The following CADPS variants were observed in gnomAD, a reference collection of about 807,000 sequenced individuals.
CADPS encodes calcium dependent secretion activator, also known as calcium-dependent secretion activator 1.
CADPS carries 57 observed loss-of-function variants against 167.3 expected under a neutral mutation model. The ratio of observed to expected loss-of-function variants is 0.34; its 90% CI spans 0.28 to 0.42. The LOEUF (loss-of-function observed/expected upper bound fraction) is 0.42, where lower values mean the gene tolerates loss of function less well. Among genes scored for constraint, CADPS ranks in the 20% least tolerant of loss-of-function variants. CADPS has a pLI of 1.00. For synonymous variants in CADPS, 676 were observed against 635.3 expected, an observed-to-expected ratio of 1.06 and a Z score of -0.96; for missense variants, 1,414 against 1,738.1, an observed-to-expected ratio of 0.81 and a Z score of 3.32.
rs949363755 is a variant in CADPS at position 62,705,705 on chromosome 3, C to T, written c.889-43311G>A. Among the ~76,000 whole-genome samples the T allele has an allele frequency of 3.3e-5, 5 of 152,148 alleles. 1 individual carries two copies. The highest frequency in any genetic ancestry group is 3.3e-4 in the Admixed American group (5 of 15,268). Reference sequence around the variant, plus strand: ...GACCCTAAGTTCTTCAGCTTTGGGACTCAGACTGGCTTCCTTCTTCCTCAG... The same window carrying T: ...GACCCTAAGTTCTTCAGCTTTGGGATTCAGACTGGCTTCCTTCTTCCTCAG... On this transcript the variant is annotated intron_variant, in intron 3 of 29. Transcript: ENST00000383710.
chr3:62,535,510 C>A (rs2074508268), intron 12 of CADPS, among the ~76,000 whole-genome samples: 1 of 151,676 alleles, frequency 6.6e-6, no homozygotes, highest in African/African-American at 2.4e-5. Context: ...AATATCTTAA[C>A]CCTACTTATT....
intron 1 of CADPS, among the ~76,000 whole-genome samples, chr3:62,790,581 A>G (rs2092845505): frequency 6.6e-6 from 1 of 152,214 alleles, no homozygotes; most frequent in South Asian, 2.1e-4. Context: ...AGTTCAGCAA[A>G]TATCATTTTG....
chr3:62,634,756 C>G (rs2065950590), intron 6 of CADPS, among the ~76,000 whole-genome samples: 1 of 152,198 alleles, frequency 6.6e-6, no homozygotes, highest in African/African-American at 2.4e-5. Flanking sequence ...TACCCAATGA[C>G]TTAAATGTGC....
Position 62,731,805 on chromosome 3 carries a change from C to CAAAAAAAAAAAAAAAAAAA in CADPS, c.888+21617_888+21635dup, listed in dbSNP as rs1212456893. On this transcript the variant is annotated intron_variant, in intron 3 of 29. Coordinates refer to ENST00000383710, the MANE Select transcript of CADPS (RefSeq NM_003716.4). ...CCTGGTGAAAGAAACTGATCATATG[C>CAAAAAAAAAAAAAAAAAAA]AAAAAAAAAAAAAAAAAAAAAAAAA... is the stretch of plus-strand genomic sequence containing the variant. Among the ~76,000 whole-genome samples the CAAAAAAAAAAAAAAAAAAA allele has an allele frequency of 1.6e-3, 44 of 27,134 alleles. 1 individual carries two copies. The highest frequency in any genetic ancestry group is 2.1e-3 in the Admixed American group (4 of 1,882). 17.8% of individuals were successfully genotyped at this position (27,134 alleles called of 152,430 possible). A position where few individuals can be genotyped will look rare whatever the true frequency, so the allele number is the denominator to read the frequency against.
chr3:62,701,836 A>G (rs922608295), intron 3 of CADPS, among the ~76,000 whole-genome samples: 1 of 152,018 alleles, frequency 6.6e-6, no homozygotes, highest in Admixed American at 6.6e-5. Context: ...GGAAAACAAA[A>G]ACTCAGGACC....
At chr3:62,512,649 C>G in intron 17 of CADPS, 102 bp downstream of exon 17, 1 of 790,972 alleles carries the variant, frequency 1.3e-6, no homozygotes. Flanking sequence ...CCACATGGCT[C>G]TCTGGGAGTA....
intron 1 of CADPS, among the ~76,000 whole-genome samples, chr3:62,838,088 G>A (rs2076150207): frequency 1.3e-5 from 2 of 152,186 alleles, no homozygotes; most frequent in Admixed American, 1.3e-4. Flanking sequence ...TATGCCATCA[G>A]GAGTGAATTC....
At position 62,875,081 on chromosome 3, in the gene CADPS, G is replaced by T. The variant is rs771490789; in HGVS notation, c.-52C>A. 2.0e-6 allele frequency: 3 copies of T among 1,522,720 alleles called. No homozygotes were observed. The highest frequency in any genetic ancestry group is 3.8e-5 in the Admixed American group (2 of 53,034). 94.3% of individuals were successfully genotyped at this position (1,522,720 alleles called of 1,614,324 possible). On this transcript the variant is annotated 5_prime_UTR_variant, in exon 1 of 30. Coordinates refer to ENST00000383710, the MANE Select transcript of CADPS (RefSeq NM_003716.4). ...GGAGCCCCCGGCTTGGAGTGCAAAAGGTGGGGGGCGCTGGAGGCAGCCGGG... is the reference window on the plus strand; with the variant it reads ...GGAGCCCCCGGCTTGGAGTGCAAAATGTGGGGGGCGCTGGAGGCAGCCGGG...
chr3:62,607,895 G>A (rs1179876031), intron 6 of CADPS, among the ~76,000 whole-genome samples: 2 of 152,162 alleles, frequency 1.3e-5, no homozygotes, highest in Admixed American at 6.6e-5. Flanking sequence ...ATCTCAAAAG[G>A]AAATGATGAA....
intron 1 of CADPS, among the ~76,000 whole-genome samples, chr3:62,860,338 A>G (rs1208573193): frequency 6.6e-6 from 1 of 152,174 alleles, no homozygotes; most frequent in East Asian, 1.9e-4. Context: ...AAAATCTCCT[A>G]TTCTCTTAAG....
intron 17 of CADPS, among the ~76,000 whole-genome samples, chr3:62,505,754 C>A (rs1342129457): frequency 6.6e-6 from 1 of 152,152 alleles, no homozygotes; most frequent in African/African-American, 2.4e-5. Context: ...TCTACTTGAG[C>A]ACTTCTGGCC....
At position 62,601,014 on chromosome 3, in the gene CADPS, G is replaced by T. The variant is rs1441245359; in HGVS notation, c.1326-8266C>A. On this transcript the variant is annotated intron_variant, in intron 6 of 29. Transcript: ENST00000383710. This position sits in a 1 kb window ranked among gnomAD's most constrained non-coding sequence, Gnocchi z 4.3. Reference sequence around the variant, plus strand: ...TGACGGAAGGATATGTAGGACATAAGCTATTGGATATGTGGTGTTTACCTC... The same window carrying T: ...TGACGGAAGGATATGTAGGACATAATCTATTGGATATGTGGTGTTTACCTC... Among the ~76,000 whole-genome samples the T allele has an allele frequency of 6.6e-6, 1 of 152,102 alleles. No homozygotes were observed. The highest frequency in any genetic ancestry group is 6.6e-5 in the Admixed American group (1 of 15,264).
chr3:62,590,199 A>AC (rs933343362), intron 7 of CADPS, among the ~76,000 whole-genome samples: 10 of 151,550 alleles, frequency 6.6e-5, no homozygotes, highest in African/African-American at 2.4e-4. Flanking sequence ...AAGAAAAAAA[A>AC]AAAAAAATTC....
chr3:62,462,044 C>G (rs993864063), intron 26 of CADPS, among the ~76,000 whole-genome samples: 1 of 152,208 alleles, frequency 6.6e-6, no homozygotes, highest in Non-Finnish European at 1.5e-5. Context: ...GTGGGAGGAA[C>G]CTGGGTACCT....
intron 6 of CADPS, among the ~76,000 whole-genome samples, chr3:62,628,835 C>G (rs2064672549): frequency 1.3e-5 from 2 of 152,078 alleles, no homozygotes; most frequent in Admixed American, 1.3e-4. Context: ...CCATGTTGGT[C>G]AGTATTGTCT....
intron 1 of CADPS, among the ~76,000 whole-genome samples, chr3:62,820,022 C>T (rs888444501): frequency 2.5e-5 from 1 of 40,646 alleles, no homozygotes; most frequent in East Asian, 2.7e-3. Context: ...CACACATATG[C>T]ATGTGTGCAC....
chr3:62,781,211 C>T (rs1444717644), intron 1 of CADPS, among the ~76,000 whole-genome samples: 1 of 152,156 alleles, frequency 6.6e-6, no homozygotes, highest in Non-Finnish European at 1.5e-5. Context: ...TCCACAATCT[C>T]TCTCAGGAAT....
rs145961640 is a variant in CADPS, at chr3:62,633,995, C to T, written c.1325+11727G>A. Among the ~76,000 whole-genome samples the T allele has an allele frequency of 2.0e-5, 3 of 152,296 alleles. No individual in the cohort carries two copies. In the East Asian group the frequency reaches 5.8e-4, roughly 29 times the overall value. On this transcript the variant is annotated intron_variant, in intron 6 of 29. Transcript: ENST00000383710. ...AGGACAGACGGCAAATGGATATTTA[C>T]TTTGACTTGAGGTTAGTGGGAAGTG...
chr3:62,662,401 A>G lies in CADPS; in HGVS notation c.889-7T>C, dbSNP rs2073457320. On this transcript the variant is annotated splice_polypyrimidine_tract_variant and splice_region_variant and intron_variant, in intron 3 of 29. Transcript: ENST00000383710. The stretch of plus-strand genomic sequence containing the variant: ...GCTCATCTGGATTGTCCAGCTGCAC[A>G]AAAGCACAGACATTGAGACTTTTAG... The G allele has an allele frequency of 1.2e-6, 2 of 1,613,652 alleles. No homozygotes were observed. Among genetic ancestry groups the G allele is most frequent in the Non-Finnish European group, 1.7e-6 (2 of 1,179,646 alleles).
Sources: allele counts gnomAD v4.1 joint callset (sites outside exome capture counted in the v4.1 genomes callset), GRCh38; gene constraint gnomAD v4.1.1; non-coding constraint Gnocchi (gnomAD v3.1); transcripts MANE v1.5; gene names NCBI Gene and HGNC (gene_info 2026-07-23, HGNC 2026-07-21).